The following IFT80 variants were observed in gnomAD, a reference collection of about 807,000 sequenced individuals.
IFT80 encodes intraflagellar transport 80, also known as intraflagellar transport protein 80 homolog.
A neutral mutation model predicts 107.9 loss-of-function variants in IFT80; 79 were observed. The ratio of observed to expected loss-of-function variants is 0.73; its 90% CI spans 0.61 to 0.88. The LOEUF (loss-of-function observed/expected upper bound fraction) is 0.88. IFT80 is among the 40% of genes least tolerant of loss of function. IFT80 has a pLI of 0.00. For synonymous variants in IFT80, 299 were observed against 300.9 expected (o/e 0.99, Z 0.07); for missense variants, 797 against 914.2 (o/e 0.87, Z 1.65).
At chr3:160,375,747 A>G (rs1576890436) in intron 5 of IFT80, 65 bp downstream of exon 5, 1 of 1,110,296 alleles carries the variant, frequency 9.0e-7, no homozygotes, top group Non-Finnish European at 1.4e-6. Flanking sequence ...TTTCTAAAGG[A>G]AAACTTTAAG....
chr3:160,370,056 C>A (rs1188320156), intron 5 of IFT80, among the ~76,000 whole-genome samples: 1 of 151,970 alleles, frequency 6.6e-6, no homozygotes, highest in African/African-American at 2.4e-5. Flanking sequence ...GAAGAGGAGA[C>A]AAAAATGTAT....
At chr3:160,395,144 A>C (rs1302343581) in intron 1 of IFT80, among the ~76,000 whole-genome samples, 1 of 152,192 alleles carries the variant, frequency 6.6e-6, no homozygotes, top group Non-Finnish European at 1.5e-5. Flanking sequence ...CTGCATTTCT[A>C]TAAAACCCTA....
intron 6 of IFT80, among the ~76,000 whole-genome samples, chr3:160,362,553 A>G (rs923474011): frequency 1.3e-5 from 2 of 152,316 alleles, no homozygotes; most frequent in Admixed American, 6.5e-5. Flanking sequence ...AAAGCCTGGC[A>G]GAGACACAAC....
At chr3:160,353,936 T>C (rs1332498535) in intron 8 of IFT80, among the ~76,000 whole-genome samples, 1 of 152,210 alleles carries the variant, frequency 6.6e-6, no homozygotes. Flanking sequence ...ACCTTTAATA[T>C]GTTTTTAAAA....
chr3:160,349,276 C>T (rs980132593), intron 8 of IFT80, among the ~76,000 whole-genome samples: 2 of 151,874 alleles, frequency 1.3e-5, no homozygotes, highest in East Asian at 1.9e-4. Context: ...GGAAAAACCC[C>T]GTCTCTAATA....
intron 8 of IFT80, among the ~76,000 whole-genome samples, chr3:160,330,485 T>C (rs1481801532): frequency 6.6e-6 from 1 of 152,218 alleles, no homozygotes; most frequent in Non-Finnish European, 1.5e-5. Context: ...TTTCTTCTTT[T>C]GCACTTTTTA....
chr3:160,381,899 A>G (rs1712547384), intron 2 of IFT80, among the ~76,000 whole-genome samples, 175 bp from the exon 3 acceptor site: 2 of 152,204 alleles, frequency 1.3e-5, no homozygotes, highest in African/African-American at 4.8e-5. Context: ...ATAAGCATCT[A>G]TTAAAAGAAT....
At chr3:160,261,818 A>AAG (rs1553751309) in intron 19 of IFT80, among the ~76,000 whole-genome samples, 4 of 149,792 alleles carry the variant, frequency 2.7e-5, no homozygotes, top group African/African-American at 9.8e-5. Context: ...AAAAAAAAAA[A>AAG]GGGGGACCTG....
intron 5 of IFT80, among the ~76,000 whole-genome samples, chr3:160,371,007 C>T (rs952981989): frequency 6.6e-6 from 1 of 152,156 alleles, no homozygotes; most frequent in African/African-American, 2.4e-5. Context: ...TTGGCATTAT[C>T]TTTACTTTCC....
At chr3:160,297,345 T>C (rs1716063255) in intron 12 of IFT80, among the ~76,000 whole-genome samples, 1 of 152,142 alleles carries the variant, frequency 6.6e-6, no homozygotes, top group Admixed American at 6.5e-5. Flanking sequence ...AGAGTAATTT[T>C]ATATGACAGC....
At chr3:160,289,129 TA>T (rs202049804) in intron 12 of IFT80, among the ~76,000 whole-genome samples, 12 of 151,960 alleles carry the variant, frequency 7.9e-5, no homozygotes, top group Admixed American at 6.6e-5. Flanking sequence ...TGTGCAGCCA[TA>T]AAAAAAATGA....
chr3:160,268,768 T>C lies in IFT80; in HGVS notation c.2100-232A>G, dbSNP rs571847037. On this transcript the variant is annotated intron_variant, in intron 18 of 19. Coordinates refer to ENST00000326448, the MANE Select transcript of IFT80 (RefSeq NM_020800.3). ...CTCTTCTTGTAGAAATAAATGACTA[T>C]TATCTTATCTATGCTTCATACCATT... is the stretch of plus-strand genomic sequence containing the variant. 1.9e-4 allele frequency: 93 copies of C among 493,422 alleles called. No homozygotes were observed. In the South Asian group the frequency reaches 1.9e-3, roughly 10 times the overall value. 30.6% of individuals were successfully genotyped at this position (493,422 alleles called of 1,614,324 possible).
chr3:160,302,675 A>G (rs1357039031), intron 11 of IFT80, among the ~76,000 whole-genome samples: 1 of 152,124 alleles, frequency 6.6e-6, no homozygotes, highest in Admixed American at 6.5e-5. Flanking sequence ...TCGAACTGTT[A>G]AAGTAAAAAG....
intron 11 of IFT80, among the ~76,000 whole-genome samples, chr3:160,303,285 A>G (rs1559928346): frequency 6.6e-6 from 1 of 152,182 alleles, no homozygotes; most frequent in Non-Finnish European, 1.5e-5. Flanking sequence ...TGTACTCAAG[A>G]GACTAATTGA....
At chr3:160,295,686 T>C (rs1241298725) in intron 12 of IFT80, among the ~76,000 whole-genome samples, 1 of 152,206 alleles carries the variant, frequency 6.6e-6, no homozygotes. Flanking sequence ...CTTGAAGAGA[T>C]ATTTGCATTC....
intron 13 of IFT80, among the ~76,000 whole-genome samples, chr3:160,283,081 A>G (rs114418110): frequency 0.015 from 2,209 of 152,296 alleles, 52 homozygotes; most frequent in African/African-American, 0.046. Context: ...TCTCACATTC[A>G]TTCTTGCAAA....
At chr3:160,317,058 A>G (rs1025944395) in intron 9 of IFT80, among the ~76,000 whole-genome samples, 2 of 152,090 alleles carry the variant, frequency 1.3e-5, no homozygotes, top group African/African-American at 4.8e-5. Context: ...TGAATTTATG[A>G]AAAAAACATT....
intron 2 of IFT80, 98 bp downstream of exon 2, chr3:160,384,466 A>C: frequency 7.3e-7 from 1 of 1,377,784 alleles, no homozygotes. Context: ...GGAATGAAAA[A>C]AAAAATCTAT....
intron 18 of IFT80, among the ~76,000 whole-genome samples, chr3:160,269,720 GT>G (rs1279292612): frequency 6.6e-6 from 1 of 152,134 alleles, no homozygotes; most frequent in Non-Finnish European, 1.5e-5. Context: ...ACTCATATTA[GT>G]TGAGTCGGGA....
Sources: gnomAD v4.1 joint callset for allele counts (sites outside exome capture counted in the v4.1 genomes callset) on GRCh38, gnomAD v4.1.1 for gene constraint, MANE v1.5 for transcripts, NCBI Gene and HGNC (gene_info 2026-07-23, HGNC 2026-07-21) for gene names.